CARMIL1: variants seen among roughly 807,000 people sequenced by gnomAD.
The protein encoded by CARMIL1 is capping protein regulator and myosin 1 linker 1.
A neutral mutation model predicts 177.1 loss-of-function variants in CARMIL1; 90 were observed. That is an observed-to-expected ratio of 0.51 (90% CI 0.43 to 0.61). CARMIL1 has a LOEUF of 0.61. Ranked by LOEUF, CARMIL1 falls within the 20% of genes least tolerant of loss-of-function variation. CARMIL1 has a pLI of 0.00. For synonymous variants in CARMIL1, 577 were observed against 606.2 expected, an observed-to-expected ratio of 0.95 and a Z score of 0.71; for missense variants, 1,380 against 1,667.0, an observed-to-expected ratio of 0.83 and a Z score of 3.00.
intron 1 of CARMIL1, among the ~76,000 whole-genome samples, chr6:25,280,664 A>G (rs1305299515): frequency 6.6e-6 from 1 of 151,888 alleles, no homozygotes; most frequent in Non-Finnish European, 1.5e-5. Context: ...GAGGGTTAAA[A>G]TGGCAGAGCT....
At chr6:25,590,249 G>A (rs1262667205) in intron 31 of CARMIL1, among the ~76,000 whole-genome samples, 1 of 152,010 alleles carries the variant, frequency 6.6e-6, no homozygotes, top group East Asian at 1.9e-4. Flanking sequence ...TTTTTTTTCG[G>A]TATTTGTTGA....
At chr6:25,531,058 T>C (rs1333728210) in intron 24 of CARMIL1, among the ~76,000 whole-genome samples, 2 of 152,206 alleles carry the variant, frequency 1.3e-5, no homozygotes, top group Non-Finnish European at 2.9e-5. Context: ...AATGGTAGTG[T>C]AAGTATGCTA....
At chr6:25,535,222 G>A (rs1386029583) in intron 24 of CARMIL1, among the ~76,000 whole-genome samples, 1 of 152,138 alleles carries the variant, frequency 6.6e-6, no homozygotes, top group Admixed American at 6.5e-5. Context: ...TGAGGTTCTA[G>A]GTGGAAGACA....
At chr6:25,421,763 C>G (rs1795876814) in intron 3 of CARMIL1, among the ~76,000 whole-genome samples, 1 of 149,604 alleles carries the variant, frequency 6.7e-6, no homozygotes, top group Non-Finnish European at 1.5e-5. Flanking sequence ...AGTAAACTAT[C>G]ACAAGGACAA....
At chr6:25,328,843 G>A (rs189250876) in intron 2 of CARMIL1, among the ~76,000 whole-genome samples, 79 of 151,594 alleles carry the variant, frequency 5.2e-4, no homozygotes, top group African/African-American at 1.7e-3. Context: ...AATGAGAGGG[G>A]AAAAAAATCT....
chr6:25,390,320 A>ATATTTTTT (rs1554184839), intron 2 of CARMIL1, among the ~76,000 whole-genome samples: 3 of 58,102 alleles, frequency 5.2e-5, no homozygotes, highest in Non-Finnish European at 6.7e-5. Flanking sequence ...ATATATATAT[A>ATATTTTTT]TTTTTTTTTT....
intron 2 of CARMIL1, among the ~76,000 whole-genome samples, chr6:25,390,013 AT>A (rs1792590938): frequency 6.6e-6 from 1 of 152,198 alleles, no homozygotes; most frequent in South Asian, 2.1e-4. Context: ...ATTTTAAAAC[AT>A]TGCAAAAGTG....
chr6:25,416,978 A>G (rs1415440994), intron 2 of CARMIL1, among the ~76,000 whole-genome samples: 2 of 152,194 alleles, frequency 1.3e-5, no homozygotes, highest in Non-Finnish European at 2.9e-5. Flanking sequence ...CTGCTTTGTA[A>G]ATAATAAAAA....
chr6:25,575,170 A>G (rs767638632), intron 29 of CARMIL1, among the ~76,000 whole-genome samples: 6 of 152,232 alleles, frequency 3.9e-5, no homozygotes, highest in Non-Finnish European at 8.8e-5. Context: ...AGCCATGAGC[A>G]TGAAACATAC....
chr6:25,379,978 T>TCTTAC (rs1325513186), intron 2 of CARMIL1, among the ~76,000 whole-genome samples: 1 of 149,472 alleles, frequency 6.7e-6, no homozygotes, highest in African/African-American at 2.4e-5. Flanking sequence ...TCTTTCCTTT[T>TCTTAC]CTTACCTCCA....
chr6:25,492,966 T>C (rs754541519), intron 15 of CARMIL1, among the ~76,000 whole-genome samples: 4 of 152,130 alleles, frequency 2.6e-5, no homozygotes, highest in Non-Finnish European at 4.4e-5. Flanking sequence ...TCTGAAAATA[T>C]AATGGTGGGA....
At chr6:25,510,678 C>T in intron 19 of CARMIL1, 30 bp from the exon 20 acceptor site, 1 of 1,518,840 alleles carries the variant, frequency 6.6e-7, no homozygotes, top group Non-Finnish European at 8.9e-7. Context: ...TGATTTGATT[C>T]CACTGTCCAC....
intron 2 of CARMIL1, among the ~76,000 whole-genome samples, chr6:25,338,810 G>T (rs192831230): frequency 5.3e-5 from 8 of 152,080 alleles, no homozygotes; most frequent in Non-Finnish European, 1.0e-4. Context: ...CTTAAATGTT[G>T]CTTCTTGGGT....
At chr6:25,489,028 G>A (rs1245816839) in intron 13 of CARMIL1, among the ~76,000 whole-genome samples, 1 of 152,232 alleles carries the variant, frequency 6.6e-6, no homozygotes, top group East Asian at 1.9e-4. Context: ...AGCCAAGCAT[G>A]GTGGCACTTG....
chr6:25,432,887 G>A (rs938495758), intron 4 of CARMIL1: 2 of 134,436 alleles, frequency 1.5e-5, no homozygotes, highest in African/African-American at 5.2e-5. Flanking sequence ...TCATACATAA[G>A]TTACTATGGC....
intron 5 of CARMIL1, among the ~76,000 whole-genome samples, chr6:25,446,250 T>G (rs915881597): frequency 6.6e-6 from 1 of 152,218 alleles, no homozygotes; most frequent in Non-Finnish European, 1.5e-5. Flanking sequence ...TCTCCCTAGC[T>G]AAGAAAGTGC....
At chr6:25,394,148 C>T (rs959158869) in intron 2 of CARMIL1, among the ~76,000 whole-genome samples, 2 of 152,128 alleles carry the variant, frequency 1.3e-5, no homozygotes, top group Non-Finnish European at 2.9e-5. Flanking sequence ...CCAGTGTTTA[C>T]AAACTTGTAT....
intron 8 of CARMIL1, among the ~76,000 whole-genome samples, chr6:25,462,514 G>A (rs1359246219): frequency 6.6e-6 from 1 of 152,130 alleles, no homozygotes; most frequent in Non-Finnish European, 1.5e-5. Flanking sequence ...TTTGCATCAG[G>A]CCCAGTGATT....
intron 5 of CARMIL1, 21 bp downstream of exon 5, chr6:25,435,625 T>A: frequency 6.4e-7 from 1 of 1,565,454 alleles, no homozygotes; most frequent in Non-Finnish European, 8.7e-7. Context: ...CTGGGCAGGG[T>A]GAGGAGAGCA....
Sources: gnomAD v4.1 joint callset for allele counts (sites outside exome capture counted in the v4.1 genomes callset) on GRCh38, gnomAD v4.1.1 for gene constraint, MANE v1.5 for transcripts, NCBI Gene and HGNC (gene_info 2026-07-23, HGNC 2026-07-21) for gene names.